Variants in NAALADL2 observed in about 807,000 individuals in gnomAD.
The protein encoded by NAALADL2 is N-acetylated alpha-linked acidic dipeptidase like 2.
NAALADL2 carries 76 observed loss-of-function variants against 87.2 expected under a neutral mutation model. The observed-to-expected ratio is 0.87, with a 90% CI of 0.72 to 1.05. The LOEUF (loss-of-function observed/expected upper bound fraction) is 1.05. NAALADL2 is among the 50% of genes least tolerant of loss of function. The probability of loss-of-function intolerance (pLI) is 0.00; values close to 1 mark genes in which losing one functional copy is unlikely to be tolerated. For missense variants in NAALADL2, 1,089 were observed against 945.8 expected (o/e 1.15, Z -1.99); for synonymous variants, 354 against 331.0 (o/e 1.07, Z -0.75).
intron 5 of NAALADL2, among the ~76,000 whole-genome samples, chr3:175,344,697 G>T (rs527862642): frequency 3.2e-4 from 48 of 152,112 alleles, no homozygotes; most frequent in African/African-American, 1.1e-3. Context: ...TGGAGAAGTA[G>T]TTATGGATGG....
intron 13 of NAALADL2, 68 bp from the exon 14 acceptor site, chr3:175,802,933 TATTC>T: frequency 1.1e-6 from 1 of 942,834 alleles, no homozygotes; most frequent in Non-Finnish European, 1.6e-6. Flanking sequence ...CTCTTAGAAA[TATTC>T]ATTCCAACGT....
intron 2 of NAALADL2, among the ~76,000 whole-genome samples, chr3:175,209,629 C>T (rs938050983): frequency 6.6e-6 from 1 of 151,838 alleles, no homozygotes; most frequent in East Asian, 1.9e-4. Flanking sequence ...ATTAAGTACA[C>T]ATAAATAGAT....
chr3:174,606,355 G>C (rs919508149), intron 2 of NAALADL2, among the ~76,000 whole-genome samples: 40 of 152,184 alleles, frequency 2.6e-4, no homozygotes, highest in Non-Finnish European at 5.4e-4. Flanking sequence ...GAAGGCTTCA[G>C]ACGATCAAAC....
intron 13 of NAALADL2, among the ~76,000 whole-genome samples, chr3:175,769,085 T>A (rs62286129): frequency 0.096 from 14,557 of 152,188 alleles, 741 homozygotes; most frequent in African/African-American, 0.12. Flanking sequence ...CTGATTCTCT[T>A]TTTAATCTTA....
intron 5 of NAALADL2, among the ~76,000 whole-genome samples, chr3:175,330,569 A>G (rs956515253): frequency 3.9e-5 from 6 of 152,234 alleles, no homozygotes; most frequent in Non-Finnish European, 8.8e-5. Context: ...ATGCTCCTAA[A>G]TGACCATCAG....
chr3:175,523,312 A>G (rs1396373493), intron 9 of NAALADL2, among the ~76,000 whole-genome samples: 1 of 152,218 alleles, frequency 6.6e-6, no homozygotes, highest in Non-Finnish European at 1.5e-5. Context: ...AAAATGTATC[A>G]GACAGTCTTC....
chr3:175,593,064 A>G (rs868816219), intron 10 of NAALADL2, among the ~76,000 whole-genome samples: 1 of 152,068 alleles, frequency 6.6e-6, no homozygotes, highest in African/African-American at 2.4e-5. Flanking sequence ...TCTGTTACAT[A>G]GGTAAACCTG....
chr3:175,208,484 C>G (rs1233087684), intron 2 of NAALADL2, among the ~76,000 whole-genome samples: 1 of 152,082 alleles, frequency 6.6e-6, no homozygotes, highest in Non-Finnish European at 1.5e-5. Flanking sequence ...GTTGTCTCTG[C>G]CTTTAGTGGC....
At chr3:174,766,473 C>G (rs780804459) in intron 3 of NAALADL2, among the ~76,000 whole-genome samples, 33 of 152,134 alleles carry the variant, frequency 2.2e-4, no homozygotes, top group Non-Finnish European at 3.7e-4. Context: ...AAGGTGTCTG[C>G]TGTGCACATT....
intron 2 of NAALADL2, among the ~76,000 whole-genome samples, chr3:174,661,089 A>G (rs1725460016): frequency 6.6e-6 from 1 of 152,148 alleles, no homozygotes; most frequent in South Asian, 2.1e-4. Flanking sequence ...TAAAAGATTC[A>G]GCTTCATTAA....
Position 175,701,623 on chromosome 3 carries a change from C to T in NAALADL2, c.1897-35683C>T, listed in dbSNP as rs79293977. Among the ~76,000 whole-genome samples, 810 of 152,118 alleles carry T rather than the reference C, an allele frequency of 5.3e-3. 4 individuals are homozygous for T. Among genetic ancestry groups the T allele is most frequent in the South Asian group, 0.024 (116 of 4,826 alleles). On this transcript the variant is annotated intron_variant, in intron 11 of 13. Coordinates refer to ENST00000454872, the MANE Select transcript of NAALADL2 (RefSeq NM_207015.3). Reference sequence around the variant, plus strand: ...TATGATTTTACCATGTTAAACGTATCAAGCAGAATGAAACAGCAGCAGAAG... The same window carrying T: ...TATGATTTTACCATGTTAAACGTATTAAGCAGAATGAAACAGCAGCAGAAG...
At chr3:175,639,761 G>A (rs1395213905) in intron 11 of NAALADL2, among the ~76,000 whole-genome samples, 1 of 152,094 alleles carries the variant, frequency 6.6e-6, no homozygotes, top group Non-Finnish European at 1.5e-5. Flanking sequence ...TTAAAATCCT[G>A]AATAGGAACA....
chr3:175,394,712 T>C (rs1769537130), intron 5 of NAALADL2, among the ~76,000 whole-genome samples: 2 of 152,206 alleles, frequency 1.3e-5, no homozygotes, highest in Admixed American at 6.5e-5. Context: ...CCCAAGTGGA[T>C]GCCTGAAACC....
intron 5 of NAALADL2, among the ~76,000 whole-genome samples, chr3:175,439,046 T>G (rs1225081616): frequency 6.6e-6 from 1 of 152,130 alleles, no homozygotes; most frequent in Admixed American, 6.6e-5. Context: ...TGTATGATCC[T>G]TATGCCTTTG....
intron 11 of NAALADL2, among the ~76,000 whole-genome samples, chr3:175,674,255 T>G (rs975071402): frequency 2.9e-4 from 43 of 149,024 alleles, no homozygotes; most frequent in African/African-American, 1.1e-3. Context: ...GTGTTTTTTT[T>G]TTTTGTTTGT....
intron 2 of NAALADL2, among the ~76,000 whole-genome samples, chr3:175,177,847 A>ATGTGTGTGTG (rs3066287): frequency 1.2e-3 from 185 of 151,196 alleles, no homozygotes; most frequent in Non-Finnish European, 1.8e-3. Context: ...GTGTGTGTGT[A>ATGTGTGTGTG]TGTGTGTGTG....
intron 4 of NAALADL2, among the ~76,000 whole-genome samples, chr3:175,284,473 A>G (rs183892247): frequency 9.4e-4 from 143 of 152,150 alleles, no homozygotes; most frequent in Middle Eastern, 3.4e-3. Context: ...GACTTAATGT[A>G]TGGCTTAGAA....
rs529402593 is a variant in NAALADL2 at position 175,704,971 on chromosome 3, T to C, written c.1897-32335T>C. On this transcript the variant is annotated intron_variant, in intron 11 of 13. Coordinates refer to ENST00000454872, the MANE Select transcript of NAALADL2 (RefSeq NM_207015.3). ...CCTCAGAAAGTTGGTGCTAAAACCA[T>C]CATTCACATGAGGAATATTTGCCCC... Among the ~76,000 whole-genome samples, 7 of 152,272 alleles carry C rather than the reference T, an allele frequency of 4.6e-5. No homozygotes were observed. The South Asian group carries it at 1.5e-3, about 32-fold the overall frequency.
At chr3:174,629,466 CAT>C (rs1378140023) in intron 2 of NAALADL2, among the ~76,000 whole-genome samples, 7 of 152,216 alleles carry the variant, frequency 4.6e-5, no homozygotes, top group African/African-American at 1.7e-4. Flanking sequence ...TCTTTAGAGA[CAT>C]ATACAGAATC....
Sources: gnomAD v4.1 joint callset for allele counts (sites outside exome capture counted in the v4.1 genomes callset) on GRCh38, gnomAD v4.1.1 for gene constraint, MANE v1.5 for transcripts, NCBI Gene and HGNC (gene_info 2026-07-23, HGNC 2026-07-21) for gene names.